The following ANO2 variants were observed in gnomAD, a reference collection of about 807,000 sequenced individuals.
ANO2 encodes anoctamin-2.
ANO2 carries 101 observed loss-of-function variants against 124.2 expected under a neutral mutation model. That is an observed-to-expected ratio of 0.81 (90% CI 0.69 to 0.96). The LOEUF (loss-of-function observed/expected upper bound fraction) is 0.96. Ranked by LOEUF, ANO2 falls within the 40% of genes least tolerant of loss-of-function variation. The pLI is 0.00. For missense variants in ANO2, 1,293 were observed against 1,274.5 expected, an observed-to-expected ratio of 1.01 and a Z score of -0.22; for synonymous variants, 486 against 482.5, an observed-to-expected ratio of 1.01 and a Z score of -0.09.
At chr12:5,810,585 G>C (rs1411389271) in intron 7 of ANO2, among the ~76,000 whole-genome samples, 1 of 152,164 alleles carries the variant, frequency 6.6e-6, no homozygotes, top group Non-Finnish European at 1.5e-5. Context: ...CTTTTGTCCT[G>C]TTACTTTCAG....
intron 14 of ANO2, among the ~76,000 whole-genome samples, chr12:5,701,997 A>G (rs767530990): frequency 6.6e-6 from 1 of 152,242 alleles, no homozygotes; most frequent in Non-Finnish European, 1.5e-5. Context: ...TTCCAACCGA[A>G]TTAAAATATT....
chr12:5,603,126 A>T (rs1449402910), intron 19 of ANO2, among the ~76,000 whole-genome samples: 2 of 152,206 alleles, frequency 1.3e-5, no homozygotes, highest in African/African-American at 4.8e-5. Flanking sequence ...GTATTGAAGC[A>T]ACTCAGCTTG....
intron 10 of ANO2, among the ~76,000 whole-genome samples, chr12:5,773,838 C>T (rs1487949452): frequency 1.3e-5 from 2 of 152,170 alleles, no homozygotes; most frequent in African/African-American, 4.8e-5. Context: ...TTGTTCAGTG[C>T]ACAACCTGCA....
At chr12:5,895,779 TG>T (rs1939740645) in intron 3 of ANO2, among the ~76,000 whole-genome samples, 1 of 151,836 alleles carries the variant, frequency 6.6e-6, no homozygotes, top group Non-Finnish European at 1.5e-5. Flanking sequence ...ATCCCACTTC[TG>T]GGTAGCTACC....
intron 14 of ANO2, among the ~76,000 whole-genome samples, chr12:5,673,778 GA>G (rs2136991114): frequency 6.6e-6 from 1 of 152,368 alleles, no homozygotes; most frequent in Admixed American, 6.5e-5. Context: ...TCCTGCCAGA[GA>G]AGCAGAAACA....
intron 14 of ANO2, among the ~76,000 whole-genome samples, chr12:5,673,615 G>C (rs890737832): frequency 1.3e-5 from 2 of 152,112 alleles, no homozygotes; most frequent in African/African-American, 4.8e-5. Context: ...AACATTAGTT[G>C]AATCTGAATG....
In ANO2 at chr12:5,787,913, G is replaced by A. The variant is rs529722135; in HGVS notation, c.1055+11594C>T. Among the ~76,000 whole-genome samples the A allele has an allele frequency of 2.6e-5, 4 of 152,236 alleles. No individual in the cohort carries two copies. Among genetic ancestry groups the A allele is most frequent in the Admixed American group, 1.3e-4 (2 of 15,282 alleles). On this transcript the variant is annotated intron_variant, in intron 10 of 24. Coordinates refer to ENST00000682330, the MANE Select transcript of ANO2 (RefSeq NM_001364791.2). This position sits in a 1 kb window ranked among gnomAD's most constrained non-coding sequence, Gnocchi z 4.2. The stretch of plus-strand genomic sequence containing the variant: ...CTGGACCATAGGTCCAGACGTGCCC[G>A]AAACAGTCCCACCTTTTACCTGTCG...
rs116408306 is a variant in ANO2, at chr12:5,656,688, G to A, written c.1546-8887C>T. On this transcript the variant is annotated intron_variant, in intron 14 of 24. Coordinates refer to ENST00000682330, the MANE Select transcript of ANO2 (RefSeq NM_001364791.2). ...GTCTAACCATAGTGTCAGATACATAGTGCAAGCTCTTTAATTGTTTGTTCA... is the reference window on the plus strand; with the variant it reads ...GTCTAACCATAGTGTCAGATACATAATGCAAGCTCTTTAATTGTTTGTTCA... 5.4e-3 allele frequency among the ~76,000 whole-genome samples: 830 copies of A among 152,296 alleles called. 7 individuals carry two copies. The highest frequency in any genetic ancestry group is 0.019 in the African/African-American group (804 of 41,538).
chr12:5,638,237 C>CTTTTTTTTTTTTTTTTTTTT (rs35224024), intron 15 of ANO2, among the ~76,000 whole-genome samples: 18 of 124,860 alleles, frequency 1.4e-4, no homozygotes, highest in South Asian at 2.7e-4. Context: ...GTTTCTTTTC[C>CTTTTTTTTTTTTTTTTTTTT]TTTTTTTTTT....
chr12:5,818,152 G>T (rs1953667373), intron 7 of ANO2, among the ~76,000 whole-genome samples: 1 of 89,676 alleles, frequency 1.1e-5, no homozygotes, highest in Non-Finnish European at 2.2e-5. Flanking sequence ...AATCCTGGGT[G>T]TGTCTGTGAG....
In ANO2 at chr12:5,587,110, AG is replaced by A. The variant is rs1194280012; in HGVS notation, c.2234-8593del. 2.2e-4 allele frequency among the ~76,000 whole-genome samples: 33 copies of A among 152,276 alleles called. 1 individual carries two copies. In the South Asian group the frequency reaches 6.6e-3, roughly 31 times the overall value. On this transcript the variant is annotated intron_variant, in intron 20 of 24. Transcript: ENST00000682330. ...AGCCGGCCCAAAAGGTCCTCACTAC[AG>A]GATCACTTCTTTCATTCTTCCTTCT...
Position 5,739,423 on chromosome 12 carries a change from A to G in ANO2, c.1352-24T>C, listed in dbSNP as rs779688764. 6 of 1,564,828 alleles carry G rather than the reference A, an allele frequency of 3.8e-6. No homozygotes were observed. In the African/African-American group the frequency reaches 8.1e-5, roughly 21 times the overall value. On this transcript the variant is annotated intron_variant, in intron 12 of 24. Transcript: ENST00000682330. ...AGCTTAAAAAGAACAACAAGAACAA[A>G]AACCTTGATTATTTTTGAAGAGTGG...
At chr12:5,656,525 C>T (rs1005885234) in intron 14 of ANO2, among the ~76,000 whole-genome samples, 6 of 152,196 alleles carry the variant, frequency 3.9e-5, no homozygotes, top group African/African-American at 1.2e-4. Context: ...TCTTCCTCTC[C>T]TGTCCATTCG....
intron 14 of ANO2, among the ~76,000 whole-genome samples, chr12:5,685,414 C>A (rs1316522080): frequency 3.3e-5 from 5 of 152,202 alleles, no homozygotes; most frequent in African/African-American, 7.2e-5. Flanking sequence ...CCAGTCAGAT[C>A]AAGTCCTTTC....
intron 20 of ANO2, among the ~76,000 whole-genome samples, chr12:5,598,737 C>T (rs1425965663): frequency 6.6e-6 from 1 of 152,198 alleles, no homozygotes; most frequent in Non-Finnish European, 1.5e-5. Flanking sequence ...CTCAAACATC[C>T]ATCCCAATAG....
At chr12:5,681,240 T>G (rs1278182068) in intron 14 of ANO2, among the ~76,000 whole-genome samples, 1 of 152,214 alleles carries the variant, frequency 6.6e-6, no homozygotes, top group Non-Finnish European at 1.5e-5. Flanking sequence ...CCATCTGATT[T>G]CAAGGAAGTC....
intron 3 of ANO2, among the ~76,000 whole-genome samples, chr12:5,864,665 A>G (rs73257226): frequency 0.029 from 4,402 of 152,218 alleles, 203 homozygotes; most frequent in African/African-American, 0.097. Flanking sequence ...GTCATTAGTA[A>G]ATACTCAGAC....
intron 16 of ANO2, among the ~76,000 whole-genome samples, chr12:5,628,320 G>C (rs988799531): frequency 6.6e-6 from 1 of 152,222 alleles, no homozygotes; most frequent in East Asian, 1.9e-4. Context: ...AGAAATACTC[G>C]ACCTCTTGTC....
intron 7 of ANO2, among the ~76,000 whole-genome samples, chr12:5,812,026 C>A (rs886687867): frequency 2.3e-4 from 35 of 149,468 alleles, no homozygotes; most frequent in Middle Eastern, 6.9e-3. Context: ...ACACCACCCC[C>A]CAAAAGAGAG....
Sources: gnomAD v4.1 joint callset for allele counts (sites outside exome capture counted in the v4.1 genomes callset) on GRCh38, gnomAD v4.1.1 for gene constraint, Gnocchi (gnomAD v3.1) non-coding constraint, MANE v1.5 for transcripts, NCBI Gene and HGNC (gene_info 2026-07-23, HGNC 2026-07-21) for gene names.